PREPL: variants seen among roughly 807,000 people sequenced by gnomAD.
The protein encoded by PREPL is prolyl endopeptidase-like.
In PREPL, 77 loss-of-function variants were observed where a neutral mutation model predicts 70.6. The ratio of observed to expected loss-of-function variants is 1.09; its 90% CI spans 0.91 to 1.32. The LOEUF (loss-of-function observed/expected upper bound fraction) is 1.32. Among genes scored for constraint, PREPL ranks in the 40% most tolerant of loss-of-function variants. The probability of loss-of-function intolerance (pLI) is 0.00; values close to 1 mark genes in which losing one functional copy is unlikely to be tolerated. For synonymous variants in PREPL, 315 were observed against 264.8 expected (o/e 1.19, Z -1.84); for missense variants, 1,002 against 778.2 (o/e 1.29, Z -3.42).
Position 44,322,819 on chromosome 2 carries a change from G to A in PREPL, c.1665C>T (p.Asn555=), listed in dbSNP as rs375673588. The change falls in exon 12 of 14, where the codon AAC becomes AAT. Residue 555 remains asparagine, a synonymous_variant. Coordinates refer to ENST00000409411, the MANE Select transcript of PREPL (RefSeq NM_001171613.2). ...YPSIHITAYE[N]DERVPLKGIV... is the part of the protein sequence containing the mutation. ...TTCCTTTCAGAGGTACCCGTTCATCGTTTTCATATGCCGTTATGTGAATTG... is the reference window on the plus strand; with the variant it reads ...TTCCTTTCAGAGGTACCCGTTCATCATTTTCATATGCCGTTATGTGAATTG... The A allele has an allele frequency of 1.7e-5, 28 of 1,613,520 alleles. No homozygotes were observed. Among genetic ancestry groups the A allele is most frequent in the Admixed American group, 1.0e-4 (6 of 59,964 alleles).
chr2:44,355,644 G>A (rs955792687), intron 1 of PREPL, among the ~76,000 whole-genome samples: 1 of 152,040 alleles, frequency 6.6e-6, no homozygotes, highest in African/African-American at 2.4e-5. Flanking sequence ...TTCTGTCAGA[G>A]TGATTCTTCT....
intron 1 of PREPL, chr2:44,359,406 A>G: frequency 9.9e-7 from 1 of 1,007,744 alleles, no homozygotes; most frequent in Non-Finnish European, 1.5e-6. Context: ...TACTGAGAAA[A>G]TTAGTAGCTC....
intron 8 of PREPL, 82 bp downstream of exon 8, chr2:44,332,377 G>A (rs1361108219): frequency 4.0e-6 from 5 of 1,241,110 alleles, no homozygotes; most frequent in African/African-American, 1.5e-5. Context: ...CCGTGCTAAT[G>A]TAACTCCAAC....
rs1045041245 is a variant in PREPL at position 44,358,650 on chromosome 2, C to T, written c.-49+2730G>A. Among the ~76,000 whole-genome samples, 3 of 152,094 alleles carry T rather than the reference C, an allele frequency of 2.0e-5. No homozygotes were observed. The East Asian group carries it at 5.8e-4, about 29-fold the overall frequency. Reference sequence around the variant, plus strand: ...ATTACACAGGGACAACAGGTGTAGGCTGGAGCTGTGCCAGGCAAAAGTGGT... The same window carrying T: ...ATTACACAGGGACAACAGGTGTAGGTTGGAGCTGTGCCAGGCAAAAGTGGT... On this transcript the variant is annotated intron_variant, in intron 1 of 13. Coordinates refer to ENST00000409411, the MANE Select transcript of PREPL (RefSeq NM_001171613.2).
intron 1 of PREPL, among the ~76,000 whole-genome samples, chr2:44,358,862 G>C (rs887661771): frequency 3.3e-5 from 5 of 152,000 alleles, no homozygotes; most frequent in African/African-American, 4.8e-5. Context: ...CTTTACTGAA[G>C]TTTACTGATT....
chr2:44,354,824 G>A (rs562796346), intron 1 of PREPL, among the ~76,000 whole-genome samples: 3 of 152,282 alleles, frequency 2.0e-5, no homozygotes, highest in South Asian at 2.1e-4. Context: ...CAATCCACCC[G>A]CCTCAGCCTC....
Position 44,359,637 on chromosome 2 carries a change from G to A in PREPL, c.-49+1743C>T. On this transcript the variant is annotated intron_variant, in intron 1 of 13. Transcript: ENST00000409411. ...TCAGCGAAGTTATAGTGATTCAAAT[G>A]CTGTTTCTGCATGCATTTTCCAAGG... is the stretch of plus-strand genomic sequence containing the variant. 1 of 1,612,708 alleles carries A rather than the reference G, an allele frequency of 6.2e-7. No individual in the cohort carries two copies. Among genetic ancestry groups the A allele is most frequent in the Admixed American group, 1.7e-5 (1 of 60,010 alleles).
intron 5 of PREPL, among the ~76,000 whole-genome samples, chr2:44,340,936 A>AG (rs1675154194): frequency 6.6e-6 from 1 of 152,048 alleles, no homozygotes; most frequent in Non-Finnish European, 1.5e-5. Flanking sequence ...TCAAAAAAAA[A>AG]AAAAAAAAAT....
chr2:44,324,245 G>A (rs969727588), intron 10 of PREPL, among the ~76,000 whole-genome samples: 1 of 152,214 alleles, frequency 6.6e-6, no homozygotes, highest in Non-Finnish European at 1.5e-5. Context: ...GACAGAGGCT[G>A]TGGGAAGAAG....
chr2:44,346,550 G>A (rs911239604), intron 1 of PREPL, among the ~76,000 whole-genome samples, 160 bp from the exon 2 acceptor site: 30 of 151,996 alleles, frequency 2.0e-4, no homozygotes, highest in African/African-American at 7.0e-4. Flanking sequence ...TCTTTCCTAG[G>A]CTCATCAATA....
intron 8 of PREPL, among the ~76,000 whole-genome samples, chr2:44,330,158 T>A (rs541543218): frequency 6.6e-6 from 1 of 152,344 alleles, no homozygotes; most frequent in South Asian, 2.1e-4. Flanking sequence ...TATAAAACAC[T>A]CTTGGTCTTT....
rs1672709964 is a variant in PREPL at position 44,319,241 on chromosome 2, T to C, written c.*2115A>G. 1 of 152,570 alleles carries C rather than the reference T, an allele frequency of 6.6e-6. No homozygotes were observed. Among genetic ancestry groups the C allele is most frequent in the Admixed American group, 6.6e-5 (1 of 15,260 alleles). The allele number at this position is 152,570 out of a possible 1,614,324, so 9.5% of individuals were successfully genotyped here. ...ATAACAACTATCACCCCAGTAAACA[T>C]GGCTGGCAAGAATACAATTAAATGA... is the stretch of plus-strand genomic sequence containing the variant. On this transcript the variant is annotated 3_prime_UTR_variant, in exon 14 of 14. Coordinates refer to ENST00000409411, the MANE Select transcript of PREPL (RefSeq NM_001171613.2).
rs1672791095 is a variant in PREPL at position 44,320,040 on chromosome 2, A to G, written c.*1316T>C. 1.6e-6 allele frequency: 1 copy of G among 629,392 alleles called. No homozygotes were observed. The highest frequency in any genetic ancestry group is 2.7e-6 in the Non-Finnish European group (1 of 363,950). The allele number at this position is 629,392 out of a possible 1,614,324, so 39.0% of individuals were successfully genotyped here. A position where few individuals can be genotyped will look rare whatever the true frequency, so the allele number is the denominator to read the frequency against. On this transcript the variant is annotated 3_prime_UTR_variant, in exon 14 of 14. Coordinates refer to ENST00000409411, the MANE Select transcript of PREPL (RefSeq NM_001171613.2). ...GTCATTTCTATCAGTTTTTATATAAATTGTTCTTACCTACTTATTGATGCT... is the reference window on the plus strand; with the variant it reads ...GTCATTTCTATCAGTTTTTATATAAGTTGTTCTTACCTACTTATTGATGCT...
chr2:44,340,482 A>G (rs1022709973), intron 5 of PREPL, among the ~76,000 whole-genome samples: 1 of 152,184 alleles, frequency 6.6e-6, no homozygotes, highest in Non-Finnish European at 1.5e-5. Context: ...AATGCCCCCA[A>G]ATAACAACTG....
At chr2:44,351,957 T>C (rs893918548) in intron 1 of PREPL, among the ~76,000 whole-genome samples, 4 of 152,232 alleles carry the variant, frequency 2.6e-5, no homozygotes, top group African/African-American at 9.6e-5. Flanking sequence ...TCCCATTACA[T>C]TGCTGACCTA....
At chr2:44,360,730 A>G (rs1677654759) in intron 1 of PREPL, 1 of 152,220 alleles carries the variant, frequency 6.6e-6, no homozygotes, top group Admixed American at 6.5e-5. Context: ...TGTAAAGACA[A>G]AATGAGACAG....
rs919749275 is a variant in PREPL at position 44,328,445 on chromosome 2, A to C, written c.1262+492T>G. Among the ~76,000 whole-genome samples the C allele has an allele frequency of 6.0e-5, 9 of 149,062 alleles. 1 individual carries two copies. In the East Asian group the frequency reaches 1.4e-3, roughly 23 times the overall value. ...AAGCAAAACTGTCTCAAACAAAAAA[A>C]AAAAAAAAAAAAAAAAAAGGGTCTG... On this transcript the variant is annotated intron_variant, in intron 9 of 13. Coordinates refer to ENST00000409411, the MANE Select transcript of PREPL (RefSeq NM_001171613.2).
At position 44,344,675 on chromosome 2, in the gene PREPL, T is replaced by C. The variant is rs561313309; in HGVS notation, c.76-89A>G. ...TTCAAGATGAAGATGAAATGAAGAC[T>C]CTTATAAAAAACAGACCTGTTGAAG... is the stretch of plus-strand genomic sequence containing the variant. On this transcript the variant is annotated intron_variant, in intron 2 of 13. Transcript: ENST00000409411. The C allele has an allele frequency of 3.3e-4, 329 of 989,126 alleles. 2 individuals are homozygous for C. In the Middle Eastern group the frequency reaches 5.5e-3, roughly 16 times the overall value. The allele number at this position is 989,126 out of a possible 1,614,324, so 61.3% of individuals were successfully genotyped here. A position where few individuals can be genotyped will look rare whatever the true frequency, so the allele number is the denominator to read the frequency against.
chr2:44,323,287 C>T lies in PREPL; in HGVS notation c.1604G>A (p.Cys535Tyr). 6.2e-7 allele frequency: 1 copy of T among 1,606,298 alleles called. No individual in the cohort carries two copies. ...EKHKNYIKRYCPYQNIKPQHY... is the reference protein window; with the variant it reads ...EKHKNYIKRYYPYQNIKPQHY... ...CTGAGGTTTAATATTTTGATAGGGACAGTAACGTTTTATGTAGTTCTTGTG... is the reference window on the plus strand; with the variant it reads ...CTGAGGTTTAATATTTTGATAGGGATAGTAACGTTTTATGTAGTTCTTGTG... The change falls in exon 11 of 14, where the codon TGT becomes TAT. Residue 535 changes from cysteine to tyrosine, a missense_variant. Cys to Tyr is a radical substitution (Grantham distance 194). Coordinates refer to ENST00000409411, the MANE Select transcript of PREPL (RefSeq NM_001171613.2).
Sources: allele counts gnomAD v4.1 joint callset (sites outside exome capture counted in the v4.1 genomes callset), GRCh38; gene constraint gnomAD v4.1.1; transcripts MANE v1.5; gene names NCBI Gene and HGNC (gene_info 2026-07-23, HGNC 2026-07-21).